PAK1: variants seen among roughly 807,000 people sequenced by gnomAD.
PAK1 encodes p21 (RAC1) activated kinase 1.
PAK1 carries 29 observed loss-of-function variants against 67.4 expected under a neutral mutation model. That is an observed-to-expected ratio of 0.43 (90% CI 0.32 to 0.59). PAK1 has a LOEUF of 0.59. Ranked by LOEUF, PAK1 falls within the 20% of genes least tolerant of loss-of-function variation. The pLI, the probability that PAK1 is intolerant of heterozygous loss-of-function variation, is 0.07. For synonymous variants in PAK1, 223 were observed against 237.4 expected (o/e 0.94, Z 0.56); for missense variants, 337 against 670.7 (o/e 0.50, Z 5.50).
the PAK1 span, among the ~76,000 whole-genome samples, chr11:77,487,699 C>T: frequency 2.0e-5 from 3 of 151,976 alleles, no homozygotes; most frequent in Non-Finnish European, 4.4e-5. Flanking sequence ...GGGAGAGATT[C>T]TTCTGCAAAG....
intron 1 of PAK1, among the ~76,000 whole-genome samples, chr11:77,405,674 G>GAT (rs1555167120): frequency 7.9e-6 from 1 of 125,892 alleles, no homozygotes; most frequent in African/African-American, 2.7e-5. Flanking sequence ...CAGACAGACA[G>GAT]ACACACACAC....
chr11:77,492,067 G>C, the PAK1 span, among the ~76,000 whole-genome samples: 1 of 152,226 alleles, frequency 6.6e-6, no homozygotes, highest in Non-Finnish European at 1.5e-5. Context: ...GACTGTGCTA[G>C]GGTGAATTCA....
chr11:77,387,722 A>G (rs1400541425), intron 2 of PAK1, among the ~76,000 whole-genome samples: 1 of 152,242 alleles, frequency 6.6e-6, no homozygotes, highest in African/African-American at 2.4e-5. Context: ...ATGGGAAGTG[A>G]GGATATTGGA....
At position 77,390,665 on chromosome 11, in the gene PAK1, T is replaced by C. The variant is rs1435392167; in HGVS notation, c.190+1666A>G. 3.5e-5 allele frequency among the ~76,000 whole-genome samples: 5 copies of C among 141,456 alleles called. No individual in the cohort carries two copies. In the East Asian group the frequency reaches 1.0e-3, roughly 28 times the overall value. 92.8% of individuals were successfully genotyped at this position (141,456 alleles called of 152,430 possible). On this transcript the variant is annotated intron_variant, in intron 2 of 14. Transcript: ENST00000356341. ...GCACACGCCACCATGCCCGACTCCT[T>C]TTTTTTTTTTTTTTTTAGTAGAGAC...
the PAK1 span, among the ~76,000 whole-genome samples, chr11:77,497,663 A>C: frequency 6.6e-6 from 1 of 152,234 alleles, no homozygotes; most frequent in Non-Finnish European, 1.5e-5. Context: ...ATTCCATCCA[A>C]CTCAGCAGCA....
At chr11:77,477,184 T>A (rs1958068807), upstream of PAK1, among the ~76,000 whole-genome samples, 1 of 152,118 alleles carries the variant, frequency 6.6e-6, no homozygotes. Flanking sequence ...AGAAGTGGAA[T>A]AAATAAGTAG....
chr11:77,458,646 G>A (rs1227999803), intron 1 of PAK1, among the ~76,000 whole-genome samples: 3 of 152,120 alleles, frequency 2.0e-5, no homozygotes, highest in Non-Finnish European at 4.4e-5. Flanking sequence ...TGACAAAGAG[G>A]GGTGAATGTA....
At chr11:77,487,268 C>G in the PAK1 span, among the ~76,000 whole-genome samples, 2 of 151,800 alleles carry the variant, frequency 1.3e-5, no homozygotes, top group Non-Finnish European at 2.9e-5. Context: ...CATCTGCTGA[C>G]TATACAGTCC....
intron 1 of PAK1, among the ~76,000 whole-genome samples, chr11:77,450,532 A>G (rs752707405): frequency 6.6e-6 from 1 of 152,214 alleles, no homozygotes; most frequent in Non-Finnish European, 1.5e-5. Flanking sequence ...TTAAATACAA[A>G]TATCTCTGCA....
intron 1 of PAK1, among the ~76,000 whole-genome samples, chr11:77,421,707 T>C (rs2138192089): frequency 6.6e-6 from 1 of 152,354 alleles, no homozygotes; most frequent in East Asian, 1.9e-4. Context: ...GGAATGTGGA[T>C]GCAGTCTTAG....
chr11:77,323,655 T>C (rs1310795365), intron 14 of PAK1, among the ~76,000 whole-genome samples: 2 of 152,202 alleles, frequency 1.3e-5, no homozygotes, highest in Non-Finnish European at 2.9e-5. Context: ...CATAAAAGAT[T>C]TGCTTATAAT....
At chr11:77,466,136 G>A (rs1026379160) in intron 1 of PAK1, among the ~76,000 whole-genome samples, 1 of 152,120 alleles carries the variant, frequency 6.6e-6, no homozygotes, top group Non-Finnish European at 1.5e-5. Context: ...ACATCCCAGT[G>A]TATCACAGAG....
the PAK1 span, among the ~76,000 whole-genome samples, chr11:77,483,169 C>G: frequency 0.1 from 15,518 of 150,178 alleles, 1,560 homozygotes; most frequent in African/African-American, 0.25. Flanking sequence ...TGCACTCCAG[C>G]CTTGGTGACA....
At chr11:77,380,128 A>G (rs972902704) in intron 2 of PAK1, 134 bp from the exon 3 acceptor site, 4 of 632,698 alleles carry the variant, frequency 6.3e-6, no homozygotes, top group African/African-American at 3.7e-5. Flanking sequence ...TATGTAGAAG[A>G]GCTCAGTTAC....
At chr11:77,407,462 A>T (rs1262196281) in intron 1 of PAK1, among the ~76,000 whole-genome samples, 1 of 152,198 alleles carries the variant, frequency 6.6e-6, no homozygotes, top group African/African-American at 2.4e-5. Context: ...GTCTATACTG[A>T]GTGCCTATTC....
At chr11:77,457,760 G>A (rs1957144961) in intron 1 of PAK1, among the ~76,000 whole-genome samples, 1 of 152,208 alleles carries the variant, frequency 6.6e-6, no homozygotes, top group South Asian at 2.1e-4. Flanking sequence ...TACTGAGGCA[G>A]AGAACAGATT....
intron 1 of PAK1, among the ~76,000 whole-genome samples, chr11:77,461,580 G>A (rs746877116): frequency 4.6e-5 from 7 of 152,100 alleles, no homozygotes; most frequent in Non-Finnish European, 7.4e-5. Flanking sequence ...GTAACATGCG[G>A]GAATGTGTAT....
chr11:77,466,029 G>A (rs1284482386), intron 1 of PAK1, among the ~76,000 whole-genome samples: 3 of 152,146 alleles, frequency 2.0e-5, no homozygotes, highest in African/African-American at 7.2e-5. Context: ...ACTATACCAA[G>A]TCCCTCTTTA....
At chr11:77,331,344 A>G (rs1420283628) in intron 14 of PAK1, among the ~76,000 whole-genome samples, 1 of 152,246 alleles carries the variant, frequency 6.6e-6, no homozygotes, top group East Asian at 1.9e-4. Flanking sequence ...ACGTATGTTT[A>G]TAGTGGCACT....
Sources: allele counts gnomAD v4.1 joint callset (sites outside exome capture counted in the v4.1 genomes callset), GRCh38; gene constraint gnomAD v4.1.1; transcripts MANE v1.5; gene names NCBI Gene and HGNC (gene_info 2026-07-23, HGNC 2026-07-21).